Variants in IGSF10 observed in about 807,000 individuals in gnomAD.
IGSF10 encodes calvaria mechanical force protein 608.
Under a neutral mutation model 128.2 loss-of-function variants are expected in IGSF10, and 126 were observed. The ratio of observed to expected loss-of-function variants is 0.98; its 90% CI spans 0.85 to 1.14. IGSF10 has a LOEUF of 1.14. Among genes scored for constraint, IGSF10 ranks in the 50% most tolerant of loss-of-function variants. The probability of loss-of-function intolerance (pLI) is 0.00; values close to 1 mark genes in which losing one functional copy is unlikely to be tolerated. For synonymous variants in IGSF10, 1,185 were observed against 1,146.2 expected (o/e 1.03, Z -0.68); for missense variants, 3,295 against 3,149.8 (o/e 1.05, Z -1.10).
At chr3:151,574,935 ATTCCTT>A in the IGSF10 span, among the ~76,000 whole-genome samples, 40 of 152,054 alleles carry the variant, frequency 2.6e-4, no homozygotes, top group Admixed American at 2.0e-4. Flanking sequence ...TGTTGATGCT[ATTCCTT>A]TCTGTTTGTT....
chr3:151,525,170 C>CA, the IGSF10 span, among the ~76,000 whole-genome samples: 3 of 151,808 alleles, frequency 2.0e-5, no homozygotes, highest in Non-Finnish European at 4.4e-5. Context: ...GGATTACAGG[C>CA]ACCAGCCACC....
chr3:151,613,406 G>A, the IGSF10 span, among the ~76,000 whole-genome samples: 20 of 152,006 alleles, frequency 1.3e-4, no homozygotes, highest in Non-Finnish European at 2.2e-4. Context: ...GAGGCATCAC[G>A]CTACCTGACT....
At chr3:151,558,184 T>C in the IGSF10 span, among the ~76,000 whole-genome samples, 1 of 149,280 alleles carries the variant, frequency 6.7e-6, no homozygotes, top group Admixed American at 6.8e-5. Context: ...GTTGGCAAAG[T>C]TTCATTTAAA....
At chr3:151,611,302 G>T in the IGSF10 span, among the ~76,000 whole-genome samples, 14 of 152,066 alleles carry the variant, frequency 9.2e-5, no homozygotes, top group Non-Finnish European at 8.8e-5. Context: ...CTCACCAAAT[G>T]TTTATTTTCA....
rs1185083168 is a variant in IGSF10, at chr3:151,448,652, G to T, written c.1329C>A (p.Thr443=). ...QISLQLNRTA[T]TFSTLQIQYS... is the part of the protein sequence containing the mutation. ...ACTGGATCTGTAATGTACTGAATGT[G>T]GTGGCAGTTCTGTTCAGCTGCAAGG... Residue 443 remains threonine (T), a synonymous_variant, in exon 6 of 8, where the codon ACC becomes ACA. Transcript: ENST00000282466. The T allele has an allele frequency of 5.0e-6, 8 of 1,613,884 alleles. No homozygotes were observed. The highest frequency in any genetic ancestry group is 4.0e-5 in the African/African-American group (3 of 74,940).
the IGSF10 span, among the ~76,000 whole-genome samples, chr3:151,566,400 T>C: frequency 6.6e-6 from 1 of 152,184 alleles, no homozygotes; most frequent in South Asian, 2.1e-4. Flanking sequence ...TTTGGATTTA[T>C]TAAACCAGTT....
chr3:151,534,012 T>G, the IGSF10 span, among the ~76,000 whole-genome samples: 4 of 152,264 alleles, frequency 2.6e-5, no homozygotes, highest in South Asian at 6.2e-4. Context: ...GAACAGACAC[T>G]TCTCAAAAGA....
chr3:151,464,974 T>C (rs774901687), upstream of IGSF10, among the ~76,000 whole-genome samples: 66 of 152,208 alleles, frequency 4.3e-4, no homozygotes, highest in Non-Finnish European at 2.2e-4. Context: ...CAGAACACCA[T>C]GTATGGGTAC....
In IGSF10 at chr3:151,444,919, C is replaced by T; in HGVS notation, c.5062G>A (p.Gly1688Arg). Reference sequence around the variant, plus strand: ...AGTGTAAAGAAAAAGTTTCACATACCTGATGGGACTCTGGTCCAATGAATG... The same window carrying T: ...AGTGTAAAGAAAAAGTTTCACATACTTGATGGGACTCTGGTCCAATGAATG... Reference protein sequence around the residue: ...PTIHWTRVPSGLDLSKRKQNS... With the variant: ...PTIHWTRVPSRLDLSKRKQNS... The change falls in exon 6 of 8, where the codon GGA (glycine) becomes AGA (arginine). Residue 1688 changes from glycine to arginine, a missense_variant and splice_region_variant. Coordinates refer to ENST00000282466, the MANE Select transcript of IGSF10 (RefSeq NM_178822.5). 6.3e-7 allele frequency: 1 copy of T among 1,587,670 alleles called. No individual in the cohort carries two copies. The highest frequency in any genetic ancestry group is 1.2e-5 in the South Asian group (1 of 85,740).
At chr3:151,523,994 G>A in the IGSF10 span, among the ~76,000 whole-genome samples, 1 of 152,208 alleles carries the variant, frequency 6.6e-6, no homozygotes, top group Admixed American at 6.5e-5. Flanking sequence ...ACGTGGCAAA[G>A]GACATGAACA....
In IGSF10 at chr3:151,458,648, A is replaced by T. The variant is rs1721918149; in HGVS notation, c.62T>A (p.Val21Asp). ...LLVSFAVICL[V>D]ATPGGKACPR... ...ACAGGCCTTGCCCCCAGGGGTGGCGACCAGGCAGATCACAGCAAAGGAGAC... is the reference window on the plus strand; with the variant it reads ...ACAGGCCTTGCCCCCAGGGGTGGCGTCCAGGCAGATCACAGCAAAGGAGAC... The change falls in exon 3 of 8, where the codon GTC (valine) becomes GAC (aspartate). Residue 21 changes from valine (V) to aspartate (D), a missense_variant. Physicochemically the swap from Val to Asp is radical, Grantham distance 152. Coordinates refer to ENST00000282466, the MANE Select transcript of IGSF10 (RefSeq NM_178822.5). 1 of 1,614,186 alleles carries T rather than the reference A, an allele frequency of 6.2e-7. No individual in the cohort carries two copies.
chr3:151,517,764 A>T, the IGSF10 span, among the ~76,000 whole-genome samples: 3 of 152,002 alleles, frequency 2.0e-5, no homozygotes, highest in East Asian at 5.8e-4. Flanking sequence ...GACCAAACCA[A>T]AATGGAGTCA....
Position 151,442,996 on chromosome 3 carries a change from T to C in IGSF10, c.5951A>G (p.Asp1984Gly). Residue 1984 changes from aspartate (D) to glycine (G), a missense_variant, in exon 7 of 8, where the codon GAC (aspartate) becomes GGC (glycine). Asp to Gly is a moderately conservative substitution (Grantham distance 94, BLOSUM62 -1). Transcript: ENST00000282466. ...MWRLPSKAVV[D>G]QQHRVGSWIH... ...GGTATAGACTTACCTATGCTGCTGG[T>C]CGACCACAGCCTTGGATGGTAACCT... 6.2e-7 allele frequency: 1 copy of C among 1,613,538 alleles called. No homozygotes were observed. Among genetic ancestry groups the C allele is most frequent in the South Asian group, 1.1e-5 (1 of 91,002 alleles).
chr3:151,537,455 T>C, the IGSF10 span, among the ~76,000 whole-genome samples: 127 of 152,314 alleles, frequency 8.3e-4, no homozygotes, highest in African/African-American at 2.8e-3. Context: ...AAGTCTGCAC[T>C]CTTTAGATGG....
At chr3:151,510,271 A>T in the IGSF10 span, among the ~76,000 whole-genome samples, 6 of 152,160 alleles carry the variant, frequency 3.9e-5, no homozygotes, top group Non-Finnish European at 5.9e-5. Flanking sequence ...CTCCTCTGAG[A>T]CAAAACTTCC....
the IGSF10 span, among the ~76,000 whole-genome samples, chr3:151,495,749 G>A: frequency 4.6e-5 from 7 of 152,004 alleles, no homozygotes; most frequent in African/African-American, 1.7e-4. Flanking sequence ...GCCAAATATT[G>A]AGGATTTCTC....
chr3:151,594,180 C>T, the IGSF10 span, among the ~76,000 whole-genome samples: 6 of 152,128 alleles, frequency 3.9e-5, no homozygotes, highest in Non-Finnish European at 8.8e-5. Context: ...TGTCCTGGAA[C>T]TCCAAATTCC....
the IGSF10 span, among the ~76,000 whole-genome samples, chr3:151,586,009 T>TTAA: frequency 1.7e-4 from 25 of 151,512 alleles, no homozygotes; most frequent in Non-Finnish European, 2.9e-4. Context: ...AGACAGGGTC[T>TTAA]CACTCTGTTG....
At chr3:151,558,409 A>G in the IGSF10 span, among the ~76,000 whole-genome samples, 1 of 152,124 alleles carries the variant, frequency 6.6e-6, no homozygotes, top group Non-Finnish European at 1.5e-5. Flanking sequence ...ATGAAAGACC[A>G]CAAATGTAGG....
Sources: gnomAD v4.1 joint callset for allele counts (sites outside exome capture counted in the v4.1 genomes callset) on GRCh38, gnomAD v4.1.1 for gene constraint, MANE v1.5 for transcripts, NCBI Gene and HGNC (gene_info 2026-07-23, HGNC 2026-07-21) for gene names.